STMN2: variants seen among roughly 807,000 people sequenced by gnomAD.
STMN2 encodes stathmin-2.
In STMN2, 2 loss-of-function variants were observed where a neutral mutation model predicts 24.1. The observed-to-expected ratio is 0.08, with a 90% CI of 0.03 to 0.26. STMN2 has a LOEUF of 0.26. Ranked by LOEUF, STMN2 falls within the 10% of genes least tolerant of loss-of-function variation. STMN2 has a pLI of 1.00. For synonymous variants in STMN2, 83 were observed against 77.5 expected (o/e 1.07, Z -0.37); for missense variants, 114 against 213.6 (o/e 0.53, Z 2.91).
chr8:79,652,357 G>A (rs1341772000), intron 3 of STMN2, among the ~76,000 whole-genome samples: 1 of 152,098 alleles, frequency 6.6e-6, no homozygotes, highest in African/African-American at 2.4e-5. Flanking sequence ...TAAAATGAAG[G>A]TGCAAAGCTG....
At chr8:79,625,369 C>T (rs779375196) in intron 1 of STMN2, among the ~76,000 whole-genome samples, 1 of 152,048 alleles carries the variant, frequency 6.6e-6, no homozygotes, top group Non-Finnish European at 1.5e-5. Context: ...TGCCAAGTAT[C>T]TTATAGGAGG....
At chr8:79,637,856 G>A (rs905035209) in intron 2 of STMN2, among the ~76,000 whole-genome samples, 1 of 152,144 alleles carries the variant, frequency 6.6e-6, no homozygotes, top group African/African-American at 2.4e-5. Context: ...CCTTGTGGCA[G>A]TTAACCCCTT....
chr8:79,658,430 C>T (rs986012282), intron 4 of STMN2, among the ~76,000 whole-genome samples: 1 of 152,130 alleles, frequency 6.6e-6, no homozygotes, highest in Non-Finnish European at 1.5e-5. Flanking sequence ...TCATTACCAA[C>T]CATGTCTTTC....
At chr8:79,653,924 G>A (rs188192238) in intron 3 of STMN2, among the ~76,000 whole-genome samples, 92 of 152,258 alleles carry the variant, frequency 6.0e-4, no homozygotes, top group African/African-American at 7.7e-4. Flanking sequence ...AAGAAGTTAC[G>A]TAACACATCC....
intron 2 of STMN2, among the ~76,000 whole-genome samples, chr8:79,640,529 C>T (rs1178875609): frequency 2.6e-5 from 4 of 152,342 alleles, no homozygotes; most frequent in East Asian, 1.9e-4. Flanking sequence ...TCCTCCACCA[C>T]AGTGGCTCTA....
At chr8:79,663,024 T>C (rs1266979972) in intron 4 of STMN2, among the ~76,000 whole-genome samples, 1 of 152,152 alleles carries the variant, frequency 6.6e-6, no homozygotes. Context: ...GATTTCTCTA[T>C]GCATGCCTCT....
chr8:79,623,221 C>G (rs1453881189), intron 1 of STMN2, among the ~76,000 whole-genome samples: 1 of 152,204 alleles, frequency 6.6e-6, no homozygotes, highest in Non-Finnish European at 1.5e-5. Context: ...GCACTATTCT[C>G]TCAGCCACTC....
intron 3 of STMN2, among the ~76,000 whole-genome samples, chr8:79,643,502 T>C (rs1427617352): frequency 6.6e-6 from 1 of 152,002 alleles, no homozygotes; most frequent in Non-Finnish European, 1.5e-5. Flanking sequence ...ATGACTTGAT[T>C]AGAATATGGA....
At chr8:79,662,180 T>A (rs1806516500) in intron 4 of STMN2, among the ~76,000 whole-genome samples, 1 of 152,134 alleles carries the variant, frequency 6.6e-6, no homozygotes, top group Non-Finnish European at 1.5e-5. Flanking sequence ...ACATCTTTTT[T>A]CATATAAAAG....
intron 3 of STMN2, among the ~76,000 whole-genome samples, chr8:79,644,005 T>C (rs1810166023): frequency 6.6e-6 from 1 of 151,932 alleles, no homozygotes; most frequent in African/African-American, 2.4e-5. Context: ...TAAAAGAAAA[T>C]ACAACTAATT....
intron 4 of STMN2, among the ~76,000 whole-genome samples, chr8:79,656,845 T>C (rs773771354): frequency 9.9e-5 from 15 of 152,188 alleles, no homozygotes; most frequent in East Asian, 1.9e-4. Context: ...AAATTACACA[T>C]ACCCAAACAC....
At chr8:79,615,364 C>T (rs929517860) in intron 1 of STMN2, among the ~76,000 whole-genome samples, 2 of 152,220 alleles carry the variant, frequency 1.3e-5, no homozygotes, top group Non-Finnish European at 2.9e-5. Context: ...AAACCTAGGC[C>T]TGGGCGTGGC....
At chr8:79,614,926 T>A (rs1809349229) in intron 1 of STMN2, among the ~76,000 whole-genome samples, 1 of 152,238 alleles carries the variant, frequency 6.6e-6, no homozygotes, top group Non-Finnish European at 1.5e-5. Context: ...CAATATGACT[T>A]CCATCAAATA....
At chr8:79,643,981 G>C (rs1455611809) in intron 3 of STMN2, among the ~76,000 whole-genome samples, 3 of 151,220 alleles carry the variant, frequency 2.0e-5, no homozygotes, top group African/African-American at 7.3e-5. Context: ...TTTTGTTAAT[G>C]GTAGAGTTTT....
intron 1 of STMN2, among the ~76,000 whole-genome samples, chr8:79,616,073 G>A (rs1809375686): frequency 6.6e-6 from 1 of 152,240 alleles, no homozygotes; most frequent in Non-Finnish European, 1.5e-5. Context: ...GAATATCAGA[G>A]TCTCCACCTG....
Position 79,641,506 on chromosome 8 carries a change from G to A in STMN2, c.244G>A (p.Glu82Lys), listed in dbSNP as rs1248113980. Residue 82 changes from glutamate to lysine, a missense_variant, in exon 3 of 5, where the codon GAG becomes AAG. Glu to Lys is a moderately conservative substitution (Grantham distance 56, BLOSUM62 1). Coordinates refer to ENST00000220876, the MANE Select transcript of STMN2 (RefSeq NM_007029.4). ...ASPKKKDLSLEEIQKKLEAAE... is the reference protein window; with the variant it reads ...ASPKKKDLSLKEIQKKLEAAE... ...TCCAAAGAAGAAAGACCTGTCCCTG[G>A]AGGAGATCCAGAAGAAACTGGAGGC... is the stretch of plus-strand genomic sequence containing the variant. The A allele has an allele frequency of 6.2e-7, 1 of 1,613,826 alleles. No individual in the cohort carries two copies. Among genetic ancestry groups the A allele is most frequent in the African/African-American group, 1.3e-5 (1 of 74,866 alleles).
intron 4 of STMN2, chr8:79,663,493 T>C: frequency 1.2e-6 from 1 of 800,624 alleles, no homozygotes; most frequent in Non-Finnish European, 1.9e-6. Flanking sequence ...AAGTGCCTAA[T>C]AAATATTCAG....
intron 1 of STMN2, among the ~76,000 whole-genome samples, chr8:79,630,086 T>C (rs1431043854): frequency 1.3e-5 from 2 of 152,226 alleles, no homozygotes; most frequent in East Asian, 1.9e-4. Context: ...TGACTCTGTG[T>C]CTTCCCAGTG....
chr8:79,636,361 CG>C (rs923714963), intron 1 of STMN2, among the ~76,000 whole-genome samples: 2 of 152,176 alleles, frequency 1.3e-5, no homozygotes, highest in African/African-American at 2.4e-5. Context: ...CAAATGAGTA[CG>C]TGGCAATTCA....
Sources: gnomAD v4.1 joint callset for allele counts (sites outside exome capture counted in the v4.1 genomes callset) on GRCh38, gnomAD v4.1.1 for gene constraint, MANE v1.5 for transcripts, NCBI Gene and HGNC (gene_info 2026-07-23, HGNC 2026-07-21) for gene names.